Variants in CDKL3 observed in about 807,000 individuals in gnomAD.
CDKL3 encodes cyclin dependent kinase like 3.
CDKL3 carries 65 observed loss-of-function variants against 69.3 expected under a neutral mutation model. The ratio of observed to expected loss-of-function variants is 0.94; its 90% CI spans 0.77 to 1.15. The LOEUF (loss-of-function observed/expected upper bound fraction) is 1.15, where lower values mean the gene tolerates loss of function less well. CDKL3 is among the 50% of genes most tolerant of loss of function. CDKL3 has a pLI of 0.00. For missense variants in CDKL3, 652 were observed against 689.2 expected, an observed-to-expected ratio of 0.95 and a Z score of 0.61; for synonymous variants, 202 against 221.6, an observed-to-expected ratio of 0.91 and a Z score of 0.79.
At chr5:134,307,403 C>T (rs1327431514) in intron 9 of CDKL3, among the ~76,000 whole-genome samples, 1 of 152,194 alleles carries the variant, frequency 6.6e-6, no homozygotes, top group East Asian at 1.9e-4. Flanking sequence ...TAGGCTCTTG[C>T]AGTCTGTAAC....
chr5:134,319,813 C>T (rs537569563), intron 5 of CDKL3, among the ~76,000 whole-genome samples: 15 of 152,150 alleles, frequency 9.9e-5, no homozygotes, highest in Non-Finnish European at 1.6e-4. Context: ...TACGCATTTC[C>T]ATATGGGTAT....
chr5:134,314,549 C>A (rs1192426247), intron 6 of CDKL3, among the ~76,000 whole-genome samples: 2 of 152,094 alleles, frequency 1.3e-5, no homozygotes, highest in Non-Finnish European at 2.9e-5. Flanking sequence ...TGGGAAATAA[C>A]CCACATGTCC....
chr5:134,333,644 T>C (rs1040435586), intron 4 of CDKL3, among the ~76,000 whole-genome samples: 7 of 152,262 alleles, frequency 4.6e-5, no homozygotes, highest in African/African-American at 1.7e-4. Context: ...GAACCAGGCT[T>C]GCATCCCAGG....
chr5:134,349,041 C>T (rs565012589), intron 4 of CDKL3, among the ~76,000 whole-genome samples: 20 of 152,256 alleles, frequency 1.3e-4, no homozygotes, highest in African/African-American at 4.6e-4. Flanking sequence ...TATTAAGCAG[C>T]TATGTGACTT....
At chr5:134,287,909 T>TC (rs1281638367) in intron 8 of CDKL3, among the ~76,000 whole-genome samples, 1 of 151,634 alleles carries the variant, frequency 6.6e-6, no homozygotes, top group African/African-American at 2.4e-5. Flanking sequence ...TTTTTTTTTT[T>TC]TTGAAATGGC....
At chr5:134,353,732 G>C (rs1488631058) in intron 3 of CDKL3, among the ~76,000 whole-genome samples, 4 of 151,930 alleles carry the variant, frequency 2.6e-5, no homozygotes, top group Non-Finnish European at 4.4e-5. Flanking sequence ...GCTAATTTTT[G>C]TATTTTTAGT....
intron 4 of CDKL3, among the ~76,000 whole-genome samples, chr5:134,348,596 A>T (rs997015320): frequency 1.3e-5 from 2 of 152,090 alleles, no homozygotes; most frequent in Non-Finnish European, 2.9e-5. Flanking sequence ...AAAGAGCTAG[A>T]GAAAGAACTA....
chr5:134,317,708 T>A (rs1255208665), intron 6 of CDKL3, among the ~76,000 whole-genome samples: 3 of 151,962 alleles, frequency 2.0e-5, no homozygotes, highest in Non-Finnish European at 4.4e-5. Flanking sequence ...AAGTTAATAG[T>A]TTGTGCCCAG....
rs1561498674 is a variant in CDKL3, at chr5:134,302,581, A to G, written c.1719+9T>C. The stretch of plus-strand genomic sequence containing the variant: ...TGCCTTAGTAAAAGCTATATACAAA[A>G]AGAGTTACCTCTTGTTTTTCTTGAT... On this transcript the variant is annotated intron_variant, in intron 12 of 12. Coordinates refer to ENST00000265334, the MANE Select transcript of CDKL3 (RefSeq NM_001113575.2). 1 of 1,454,130 alleles carries G rather than the reference A, an allele frequency of 6.9e-7. No individual in the cohort carries two copies. The highest frequency in any genetic ancestry group is 1.8e-5 in the Admixed American group (1 of 56,434). 90.1% of individuals were successfully genotyped at this position (1,454,130 alleles called of 1,614,324 possible).
At chr5:134,333,541 G>A (rs1010976088) in intron 4 of CDKL3, among the ~76,000 whole-genome samples, 9 of 152,062 alleles carry the variant, frequency 5.9e-5, no homozygotes, top group South Asian at 4.1e-4. Flanking sequence ...GAATTTTGTC[G>A]AAGGCCTTTT....
chr5:134,356,101 G>A (rs193082090), intron 3 of CDKL3, among the ~76,000 whole-genome samples: 1 of 152,248 alleles, frequency 6.6e-6, no homozygotes, highest in Non-Finnish European at 1.5e-5. Context: ...AGAATCAGTG[G>A]GAGCCCTGAG....
At chr5:134,335,718 T>G (rs777955778) in intron 4 of CDKL3, among the ~76,000 whole-genome samples, 1 of 152,206 alleles carries the variant, frequency 6.6e-6, no homozygotes, top group African/African-American at 2.4e-5. Flanking sequence ...CTTCCCTTTG[T>G]AGGTAACCCA....
downstream of CDKL3, chr5:134,298,319 G>A (rs555112603): frequency 2.5e-5 from 26 of 1,036,936 alleles, no homozygotes; most frequent in Admixed American, 5.4e-5. Flanking sequence ...TAACTGACTC[G>A]AAGTTATGTG....
chr5:134,293,519 A>C (rs1765217657), downstream of CDKL3, among the ~76,000 whole-genome samples: 2 of 152,202 alleles, frequency 1.3e-5, no homozygotes, highest in Non-Finnish European at 2.9e-5. Context: ...TAGATGCCAA[A>C]ATCCTTAATA....
intron 4 of CDKL3, among the ~76,000 whole-genome samples, chr5:134,346,505 T>C (rs1751909186): frequency 6.6e-6 from 1 of 152,186 alleles, no homozygotes; most frequent in Admixed American, 6.5e-5. Context: ...ATTACCTTTT[T>C]TTGTTTTTGA....
At chr5:134,347,344 T>C (rs1179671289) in intron 4 of CDKL3, among the ~76,000 whole-genome samples, 1 of 152,168 alleles carries the variant, frequency 6.6e-6, no homozygotes, top group Non-Finnish European at 1.5e-5. Context: ...GTCTGGCAGT[T>C]CTTCAAAGAC....
intron 6 of CDKL3, among the ~76,000 whole-genome samples, chr5:134,317,703 A>T (rs1177986278): frequency 6.6e-6 from 1 of 152,012 alleles, no homozygotes; most frequent in African/African-American, 2.4e-5. Context: ...GAGGCAAGTT[A>T]ATAGTTTGTG....
chr5:134,299,866 C>T, intron 12 of CDKL3: 1 of 648,972 alleles, frequency 1.5e-6, no homozygotes, highest in Non-Finnish European at 2.6e-6. Flanking sequence ...TCATAAGGTA[C>T]AGGGAAACTA....
At chr5:134,309,909 G>A (rs1768937512) in intron 7 of CDKL3, among the ~76,000 whole-genome samples, 1 of 152,138 alleles carries the variant, frequency 6.6e-6, no homozygotes, top group African/African-American at 2.4e-5. Context: ...ATGGCTCACT[G>A]CAACCCTGAC....
Sources: allele counts gnomAD v4.1 joint callset (sites outside exome capture counted in the v4.1 genomes callset), GRCh38; gene constraint gnomAD v4.1.1; transcripts MANE v1.5; gene names NCBI Gene and HGNC (gene_info 2026-07-23, HGNC 2026-07-21).